PHC3: variants seen among roughly 807,000 people sequenced by gnomAD.
PHC3 encodes the protein polyhomeotic homolog 3, also known as polyhomeotic-like protein 3.
In PHC3, 13 loss-of-function variants were observed where a neutral mutation model predicts 107.4. The observed-to-expected ratio is 0.12, with a 90% CI of 0.08 to 0.19. PHC3 has a LOEUF of 0.19. PHC3 is among the 10% of genes least tolerant of loss of function. The pLI, the probability that PHC3 is intolerant of heterozygous loss-of-function variation, is 1.00. For synonymous variants in PHC3, 456 were observed against 427.4 expected (o/e 1.07, Z -0.83); for missense variants, 992 against 1,210.9 (o/e 0.82, Z 2.68).
chr3:170,175,418 G>A (rs1195010889), intron 2 of PHC3, among the ~76,000 whole-genome samples: 1 of 151,758 alleles, frequency 6.6e-6, no homozygotes, highest in Non-Finnish European at 1.5e-5. Flanking sequence ...CAGGAGGAGA[G>A]CTTAAAGCCA....
intron 4 of PHC3, among the ~76,000 whole-genome samples, chr3:170,168,488 G>A (rs183696685): frequency 3.5e-4 from 54 of 152,184 alleles, no homozygotes; most frequent in African/African-American, 1.2e-3. Context: ...CTCCACGGCC[G>A]GGCACGGTGG....
intron 11 of PHC3, among the ~76,000 whole-genome samples, chr3:170,107,203 C>T (rs1716703012): frequency 1.3e-5 from 2 of 148,362 alleles, no homozygotes; most frequent in African/African-American, 4.9e-5. Context: ...ATCTTGCTTA[C>T]AATCCATCTA....
chr3:170,162,323 G>A (rs1163534400), intron 4 of PHC3, among the ~76,000 whole-genome samples: 1 of 152,082 alleles, frequency 6.6e-6, no homozygotes, highest in African/African-American at 2.4e-5. Flanking sequence ...CAATACTATA[G>A]GTGGGTGTCT....
At position 170,106,038 on chromosome 3, in the gene PHC3, C is replaced by T. The variant is rs138430528; in HGVS notation, c.2468+794G>A. The stretch of plus-strand genomic sequence containing the variant: ...ACCAGCCTGGCGAACATGGTGAAAC[C>T]CCATCTCTACTAAAAATACAAAAAT... On this transcript the variant is annotated intron_variant, in intron 12 of 14. Coordinates refer to ENST00000495893, the MANE Select transcript of PHC3 (RefSeq NM_024947.4). 7.4e-3 allele frequency among the ~76,000 whole-genome samples: 1,125 copies of T among 152,182 alleles called. 19 individuals are homozygous for T. Among genetic ancestry groups the T allele is most frequent in the African/African-American group, 0.026 (1,063 of 41,524 alleles).
Position 170,096,338 on chromosome 3 carries a change from C to T in PHC3, c.*892G>A, listed in dbSNP as rs1045336380. 3.3e-5 allele frequency: 5 copies of T among 152,214 alleles called. No homozygotes were observed. In the East Asian group the frequency reaches 5.8e-4, roughly 18 times the overall value. 9.4% of individuals were successfully genotyped at this position (152,214 alleles called of 1,614,324 possible). A position where few individuals can be genotyped will look rare whatever the true frequency, so the allele number is the denominator to read the frequency against. On this transcript the variant is annotated 3_prime_UTR_variant, in exon 15 of 15. Transcript: ENST00000495893. The stretch of plus-strand genomic sequence containing the variant: ...GTGAAAACAATATTTATCACTCCTT[C>T]TATATCAGAGTTTCTCAACCTTGGC...
In PHC3 at chr3:170,178,679, A is replaced by C; in HGVS notation, c.180+94T>G. On this transcript the variant is annotated intron_variant, in intron 2 of 14. Transcript: ENST00000495893. Reference sequence around the variant, plus strand: ...GAAACATTAGTAATTCTAACTGTACATTTGAGAATATGAAACAATACATAA... The same window carrying C: ...GAAACATTAGTAATTCTAACTGTACCTTTGAGAATATGAAACAATACATAA... The C allele has an allele frequency of 2.2e-6, 3 of 1,362,952 alleles. No individual in the cohort carries two copies. In the Admixed American group the frequency reaches 5.1e-5, roughly 23 times the overall value. 84.4% of individuals were successfully genotyped at this position (1,362,952 alleles called of 1,614,324 possible).
At chr3:170,117,610 A>G (rs1719286366) in intron 9 of PHC3, 134 bp from the exon 10 acceptor site, 3 of 852,298 alleles carry the variant, frequency 3.5e-6, no homozygotes, top group Non-Finnish European at 5.3e-6. Context: ...GAACCTTAAG[A>G]CCTCATTTAA....
In PHC3 at chr3:170,115,094, T is replaced by A. The variant is rs1420639133; in HGVS notation, c.2194-1575A>T. Among the ~76,000 whole-genome samples, 12 of 152,300 alleles carry A rather than the reference T, an allele frequency of 7.9e-5. No individual in the cohort carries two copies. The East Asian group carries it at 2.3e-3, about 29-fold the overall frequency. On this transcript the variant is annotated intron_variant, in intron 10 of 14. Transcript: ENST00000495893. ...TATGTAATATGACATAATAACTCTA[T>A]TTCTAGGAATTCATACTAAGAAACT...
At chr3:170,141,902 C>G (rs77033531) in intron 6 of PHC3, among the ~76,000 whole-genome samples, 1,681 of 152,318 alleles carry the variant, frequency 0.011, 12 homozygotes, top group East Asian at 0.021. Flanking sequence ...CCTCGCCCGG[C>G]CTGTAAATTC....
At chr3:170,142,609 G>C (rs1171785613) in intron 6 of PHC3, among the ~76,000 whole-genome samples, 4 of 152,152 alleles carry the variant, frequency 2.6e-5, no homozygotes, top group Admixed American at 2.6e-4. Context: ...ACTGAAGTAG[G>C]AGCTTAAGTC....
chr3:170,088,827 A>G lies in PHC3; in HGVS notation c.*8403T>C, dbSNP rs1200885565. ...TTCAATTAGTTTGAAAGATTCTAAT[A>G]TAGATTCTAACCCAACAGTTTATAT... On this transcript the variant is annotated 3_prime_UTR_variant, in exon 15 of 15. Transcript: ENST00000495893. 5 of 152,310 alleles carry G rather than the reference A, an allele frequency of 3.3e-5. No homozygotes were observed. Among genetic ancestry groups the G allele is most frequent in the Non-Finnish European group, 5.9e-5 (4 of 68,038 alleles). 9.4% of individuals were successfully genotyped at this position (152,310 alleles called of 1,614,324 possible).
chr3:170,124,487 T>G (rs1720948781), intron 8 of PHC3, among the ~76,000 whole-genome samples: 1 of 152,122 alleles, frequency 6.6e-6, no homozygotes, highest in Non-Finnish European at 1.5e-5. Context: ...CTCAGCCTCC[T>G]GAGTAGCTGG....
chr3:170,156,246 C>T (rs1204071090), intron 4 of PHC3, among the ~76,000 whole-genome samples: 6 of 151,988 alleles, frequency 3.9e-5, no homozygotes, highest in African/African-American at 1.2e-4. Flanking sequence ...CCACCATATC[C>T]GGCCCTATGC....
intron 4 of PHC3, among the ~76,000 whole-genome samples, chr3:170,168,598 T>C (rs955962511): frequency 1.6e-4 from 25 of 151,684 alleles, no homozygotes; most frequent in African/African-American, 5.6e-4. Context: ...ATCCCATCTC[T>C]AAAAAATTAG....
chr3:170,165,404 T>TG (rs1214838380), intron 4 of PHC3, among the ~76,000 whole-genome samples: 1 of 151,876 alleles, frequency 6.6e-6, no homozygotes. Flanking sequence ...AACCTCAAAA[T>TG]GAACGAAAAG....
At chr3:170,181,573 G>A in intron 1 of PHC3, 129 bp downstream of exon 1, 2 of 1,372,602 alleles carry the variant, frequency 1.5e-6, no homozygotes, top group Non-Finnish European at 2.0e-6. Flanking sequence ...CTCCACGATA[G>A]GACGGGTCTC....
chr3:170,134,685 A>G (rs1722781343), intron 7 of PHC3, among the ~76,000 whole-genome samples: 1 of 152,234 alleles, frequency 6.6e-6, no homozygotes, highest in South Asian at 2.1e-4. Flanking sequence ...GTAAGTACGT[A>G]TAAGATACAA....
Position 170,092,088 on chromosome 3 carries a change from C to T in PHC3, c.*5142G>A, listed in dbSNP as rs1307723476. 6.6e-6 allele frequency: 1 copy of T among 152,206 alleles called. No individual in the cohort carries two copies. The highest frequency in any genetic ancestry group is 1.5e-5 in the Non-Finnish European group (1 of 68,070). The allele number at this position is 152,206 out of a possible 1,614,324, so 9.4% of individuals were successfully genotyped here. A position where few individuals can be genotyped will look rare whatever the true frequency, so the allele number is the denominator to read the frequency against. On this transcript the variant is annotated 3_prime_UTR_variant, in exon 15 of 15. Coordinates refer to ENST00000495893, the MANE Select transcript of PHC3 (RefSeq NM_024947.4). ...GATCTTGGCTCACTGCAACCTCCAC[C>T]ACCTGGGTTCAAGCAATTCTCCTGT...
chr3:170,088,519 G>C lies in PHC3; in HGVS notation c.*8711C>G, dbSNP rs1243733766. ...ACTTATTTTGACTTTTTTCCCTATA[G>C]GAAAAACAAAGACCAAGCTTTTGAA... is the stretch of plus-strand genomic sequence containing the variant. On this transcript the variant is annotated 3_prime_UTR_variant, in exon 15 of 15. Transcript: ENST00000495893. 5 of 152,010 alleles carry C rather than the reference G, an allele frequency of 3.3e-5. No individual in the cohort carries two copies. Among genetic ancestry groups the C allele is most frequent in the Admixed American group, 2.0e-4 (3 of 15,264 alleles). 9.4% of individuals were successfully genotyped at this position (152,010 alleles called of 1,614,324 possible). A position where few individuals can be genotyped will look rare whatever the true frequency, so the allele number is the denominator to read the frequency against.
Sources: allele counts gnomAD v4.1 joint callset (sites outside exome capture counted in the v4.1 genomes callset), GRCh38; gene constraint gnomAD v4.1.1; transcripts MANE v1.5; gene names NCBI Gene and HGNC (gene_info 2026-07-23, HGNC 2026-07-21).